The following GPR158 variants were observed in gnomAD, a reference collection of about 807,000 sequenced individuals.
GPR158 encodes metabotropic glycine receptor.
Under a neutral mutation model 78.2 loss-of-function variants are expected in GPR158, and 30 were observed. The ratio of observed to expected loss-of-function variants is 0.38; its 90% CI spans 0.29 to 0.52. GPR158 has a LOEUF of 0.52. Among genes scored for constraint, GPR158 ranks in the 20% least tolerant of loss-of-function variants. The pLI is 0.83. For synonymous variants in GPR158, 581 were observed against 591.1 expected (o/e 0.98, Z 0.25); for missense variants, 1,463 against 1,523.5 (o/e 0.96, Z 0.66).
At chr10:25,249,664 A>T (rs1162242283) in intron 2 of GPR158, among the ~76,000 whole-genome samples, 7 of 151,314 alleles carry the variant, frequency 4.6e-5, no homozygotes, top group Admixed American at 2.6e-4. Context: ...GATGAAGCCC[A>T]CTTGATCATG....
intron 4 of GPR158, among the ~76,000 whole-genome samples, chr10:25,422,813 T>C (rs1834768680): frequency 6.6e-6 from 1 of 151,586 alleles, no homozygotes; most frequent in Non-Finnish European, 1.5e-5. Flanking sequence ...ACCTGAGCAG[T>C]GTACACTGTA....
chr10:25,409,083 CT>C (rs1267576189), intron 3 of GPR158, among the ~76,000 whole-genome samples: 7 of 152,206 alleles, frequency 4.6e-5, no homozygotes, highest in Non-Finnish European at 4.4e-5. Context: ...AGAGCACAAA[CT>C]GCTGCCAGGG....
intron 5 of GPR158, among the ~76,000 whole-genome samples, chr10:25,521,110 C>T (rs904825419): frequency 5.3e-5 from 8 of 152,204 alleles, no homozygotes; most frequent in East Asian, 1.9e-4. Flanking sequence ...AGTATTCGGG[C>T]GGGAGTGACC....
At chr10:25,527,420 A>G (rs896002690) in intron 5 of GPR158, among the ~76,000 whole-genome samples, 2 of 152,218 alleles carry the variant, frequency 1.3e-5, no homozygotes, top group African/African-American at 4.8e-5. Flanking sequence ...TTTGAATTAA[A>G]TTAGTAATCA....
At chr10:25,334,611 G>T (rs1855172175) in intron 2 of GPR158, among the ~76,000 whole-genome samples, 2 of 151,918 alleles carry the variant, frequency 1.3e-5, no homozygotes, top group Non-Finnish European at 2.9e-5. Context: ...AGGTCTGAAT[G>T]GGTAAAACTT....
At chr10:25,457,633 G>A (rs1835308335) in intron 4 of GPR158, among the ~76,000 whole-genome samples, 1 of 152,200 alleles carries the variant, frequency 6.6e-6, no homozygotes, top group Non-Finnish European at 1.5e-5. Context: ...TGTTAGGAAT[G>A]TATTTGAAAG....
At chr10:25,286,694 T>A (rs1471339862) in intron 2 of GPR158, among the ~76,000 whole-genome samples, 1 of 152,112 alleles carries the variant, frequency 6.6e-6, no homozygotes, top group Non-Finnish European at 1.5e-5. Context: ...GATAGCTTTT[T>A]TTTGTTTGCC....
At chr10:25,479,663 C>T (rs990995321) in intron 5 of GPR158, among the ~76,000 whole-genome samples, 1 of 152,112 alleles carries the variant, frequency 6.6e-6, no homozygotes, top group Non-Finnish European at 1.5e-5. Context: ...GATCCACCCA[C>T]CTTGGCCTCT....
chr10:25,574,627 C>T (rs1245765868), intron 7 of GPR158, among the ~76,000 whole-genome samples: 1 of 152,136 alleles, frequency 6.6e-6, no homozygotes, highest in East Asian at 1.9e-4. Context: ...TGACTCACGC[C>T]TGTAATCCCA....
At chr10:25,301,992 C>T (rs1160761119) in intron 2 of GPR158, among the ~76,000 whole-genome samples, 2 of 151,298 alleles carry the variant, frequency 1.3e-5, no homozygotes, top group African/African-American at 4.9e-5. Context: ...ATGTATTTTT[C>T]TGTGTCTGGC....
At chr10:25,456,466 C>A (rs571657105) in intron 4 of GPR158, among the ~76,000 whole-genome samples, 17 of 152,316 alleles carry the variant, frequency 1.1e-4, no homozygotes, top group Admixed American at 2.0e-4. Flanking sequence ...CTGAGAAATT[C>A]TCTTCCTATT....
chr10:25,585,750 G>A (rs1335015208), intron 7 of GPR158, among the ~76,000 whole-genome samples: 1 of 152,160 alleles, frequency 6.6e-6, no homozygotes, highest in East Asian at 1.9e-4. Context: ...AGGCCAAGGT[G>A]AGTGGATTGC....
intron 5 of GPR158, among the ~76,000 whole-genome samples, chr10:25,486,163 C>G (rs957708477): frequency 1.3e-5 from 2 of 152,144 alleles, no homozygotes; most frequent in Non-Finnish European, 2.9e-5. Flanking sequence ...TGGGCTAAGG[C>G]AGGGATCATA....
At chr10:25,376,023 G>A (rs577552101) in intron 2 of GPR158, among the ~76,000 whole-genome samples, 1 of 151,646 alleles carries the variant, frequency 6.6e-6, no homozygotes, top group African/African-American at 2.4e-5. Flanking sequence ...AACATAGTAT[G>A]TCTCCTCATT....
chr10:25,516,380 T>A (rs1464512630), intron 5 of GPR158, among the ~76,000 whole-genome samples: 3 of 152,050 alleles, frequency 2.0e-5, no homozygotes, highest in Non-Finnish European at 4.4e-5. Context: ...TTTAATTAGA[T>A]CCCATTTGTC....
At chr10:25,210,233 T>G (rs1036016507) in intron 1 of GPR158, among the ~76,000 whole-genome samples, 1 of 152,210 alleles carries the variant, frequency 6.6e-6, no homozygotes, top group Non-Finnish European at 1.5e-5. Flanking sequence ...AGTTGTTAGA[T>G]ACCTCATTAT....
intron 2 of GPR158, among the ~76,000 whole-genome samples, chr10:25,238,123 A>C (rs1249739904): frequency 6.6e-6 from 1 of 151,900 alleles, no homozygotes; most frequent in East Asian, 1.9e-4. Flanking sequence ...GGAAAGGTGA[A>C]AGCTAGATGC....
intron 1 of GPR158, among the ~76,000 whole-genome samples, chr10:25,184,900 T>C (rs1358180287): frequency 1.3e-5 from 2 of 152,236 alleles, no homozygotes; most frequent in African/African-American, 2.4e-5. Context: ...TTCCTCTTAT[T>C]TGATGCCTCA....
At chr10:25,581,159 A>ACCAT (rs1837192799) in intron 7 of GPR158, among the ~76,000 whole-genome samples, 1 of 150,768 alleles carries the variant, frequency 6.6e-6, no homozygotes, top group Non-Finnish European at 1.5e-5. Context: ...CAATCTCCTG[A>ACCAT]CCTCATGATC....
Sources: allele counts gnomAD v4.1 joint callset (sites outside exome capture counted in the v4.1 genomes callset), GRCh38; gene constraint gnomAD v4.1.1; transcripts MANE v1.5; gene names NCBI Gene and HGNC (gene_info 2026-07-23, HGNC 2026-07-21).